JMJD1C: variants seen among roughly 807,000 people sequenced by gnomAD.
JMJD1C encodes the protein jumonji domain-containing protein 1C.
A neutral mutation model predicts 245.3 loss-of-function variants in JMJD1C; 31 were observed. The observed-to-expected ratio is 0.13, with a 90% CI of 0.09 to 0.17. The LOEUF (loss-of-function observed/expected upper bound fraction) is 0.17, where lower values mean the gene tolerates loss of function less well. JMJD1C is among the 10% of genes least tolerant of loss of function. The pLI, the probability that JMJD1C is intolerant of heterozygous loss-of-function variation, is 1.00. For synonymous variants in JMJD1C, 1,057 were observed against 1,017.4 expected (o/e 1.04, Z -0.74); for missense variants, 2,691 against 3,000.2 (o/e 0.90, Z 2.41).
intron 1 of JMJD1C, among the ~76,000 whole-genome samples, chr10:63,462,385 TATGTTCATATTGTACAAGAA>T (rs1175328088): frequency 6.6e-6 from 1 of 152,212 alleles, no homozygotes; most frequent in Non-Finnish European, 1.5e-5. Flanking sequence ...TTAAATTATA[TATGTTCATATTGTACAAGAA>T]ATATGTTTGC....
chr10:63,265,029 G>GTAA (rs1430614095), intron 2 of JMJD1C, among the ~76,000 whole-genome samples: 1 of 152,082 alleles, frequency 6.6e-6, no homozygotes, highest in Non-Finnish European at 1.5e-5. Flanking sequence ...AAAAAGGGAT[G>GTAA]TAATAAAATA....
intron 18 of JMJD1C, 27 bp downstream of exon 18, chr10:63,189,141 T>C: frequency 1.3e-6 from 2 of 1,557,190 alleles, no homozygotes; most frequent in Non-Finnish European, 1.7e-6. Context: ...CCACCAAGAG[T>C]GTTCTTTATC....
At chr10:63,325,557 C>T (rs1244626253) in intron 2 of JMJD1C, among the ~76,000 whole-genome samples, 1 of 152,152 alleles carries the variant, frequency 6.6e-6, no homozygotes, top group African/African-American at 2.4e-5. Flanking sequence ...GCTCTTTGGA[C>T]CTCTCTTTTC....
chr10:63,276,440 T>TG (rs1371460705), intron 2 of JMJD1C, among the ~76,000 whole-genome samples: 13 of 129,298 alleles, frequency 1.0e-4, no homozygotes, highest in African/African-American at 3.9e-4. Context: ...CACTCCAGCC[T>TG]GGGAGACAGA....
At chr10:63,355,325 T>G (rs1444366680) in intron 2 of JMJD1C, among the ~76,000 whole-genome samples, 1 of 152,194 alleles carries the variant, frequency 6.6e-6, no homozygotes, top group Admixed American at 6.5e-5. Context: ...TGACATTAAG[T>G]ACAAACCACA....
intron 1 of JMJD1C, among the ~76,000 whole-genome samples, chr10:63,510,663 C>G (rs1029583373): frequency 6.6e-6 from 1 of 152,114 alleles, no homozygotes; most frequent in African/African-American, 2.4e-5. Context: ...AATGTGTAAT[C>G]TGCTGTTATT....
At chr10:63,180,747 C>T (rs1843365672) in intron 22 of JMJD1C, among the ~76,000 whole-genome samples, 1 of 150,698 alleles carries the variant, frequency 6.6e-6, no homozygotes, top group South Asian at 2.1e-4. Flanking sequence ...GGATTACAGG[C>T]ATACACCACC....
intron 2 of JMJD1C, among the ~76,000 whole-genome samples, chr10:63,367,165 GA>G (rs2134403125): frequency 6.6e-6 from 1 of 152,288 alleles, no homozygotes; most frequent in South Asian, 2.1e-4. Flanking sequence ...GTGGACCAAT[GA>G]GCCCCTGCTG....
At position 63,377,081 on chromosome 10, in the gene JMJD1C, T is replaced by C. The variant is rs1306281542; in HGVS notation, c.333+3237A>G. On this transcript the variant is annotated intron_variant, in intron 2 of 25. Coordinates refer to ENST00000399262, the MANE Select transcript of JMJD1C (RefSeq NM_032776.3). ...GTGGTGTATAAACACAATGGAATGT[T>C]ATTTTGCAATAAAAAGGAAGAAAAT... Among the ~76,000 whole-genome samples, 3 of 152,240 alleles carry C rather than the reference T, an allele frequency of 2.0e-5. No individual in the cohort carries two copies. In the South Asian group the frequency reaches 6.2e-4, roughly 31 times the overall value.
chr10:63,310,076 A>G (rs1938952771), intron 2 of JMJD1C, among the ~76,000 whole-genome samples: 1 of 152,234 alleles, frequency 6.6e-6, no homozygotes, highest in South Asian at 2.1e-4. Context: ...AACCACTATC[A>G]GATCACAGGA....
intron 2 of JMJD1C, among the ~76,000 whole-genome samples, chr10:63,354,630 CTTT>C (rs1348656510): frequency 6.6e-6 from 1 of 151,198 alleles, no homozygotes; most frequent in Non-Finnish European, 1.5e-5. Flanking sequence ...TTTATATTTA[CTTT>C]TTTATTATTC....
chr10:63,377,649 T>A (rs1946855221), intron 2 of JMJD1C, among the ~76,000 whole-genome samples: 1 of 151,958 alleles, frequency 6.6e-6, no homozygotes, highest in Non-Finnish European at 1.5e-5. Context: ...GCAGGAGAAT[T>A]GCTTGAACCC....
At chr10:63,290,135 G>A (rs143723479) in intron 2 of JMJD1C, among the ~76,000 whole-genome samples, 104 of 151,838 alleles carry the variant, frequency 6.8e-4, no homozygotes, top group African/African-American at 2.3e-3. Context: ...TTTTATAACT[G>A]AAAAAAACAA....
At chr10:63,411,541 C>T (rs531872614) in intron 1 of JMJD1C, among the ~76,000 whole-genome samples, 9 of 151,856 alleles carry the variant, frequency 5.9e-5, no homozygotes, top group African/African-American at 7.2e-5. Flanking sequence ...TCAGGTGATC[C>T]GCCTGCCTGG....
intron 2 of JMJD1C, among the ~76,000 whole-genome samples, chr10:63,282,864 G>T (rs369150498): frequency 6.6e-6 from 1 of 151,990 alleles, no homozygotes; most frequent in Admixed American, 6.6e-5. Flanking sequence ...CTACAGGCGC[G>T]TGCCACCACG....
At chr10:63,451,496 AT>A (rs111747800) in intron 1 of JMJD1C, among the ~76,000 whole-genome samples, 8 of 152,200 alleles carry the variant, frequency 5.3e-5, no homozygotes, top group Non-Finnish European at 7.3e-5. Flanking sequence ...TCAGAAAAAA[AT>A]TTAAAAAATA....
intron 1 of JMJD1C, among the ~76,000 whole-genome samples, chr10:63,464,631 CA>C (rs1275956306): frequency 6.6e-6 from 1 of 151,710 alleles, no homozygotes; most frequent in African/African-American, 2.4e-5. Flanking sequence ...GAGCATATTA[CA>C]GCTCAATATC....
intron 2 of JMJD1C, among the ~76,000 whole-genome samples, chr10:63,361,744 A>G (rs1419093862): frequency 2.7e-5 from 4 of 149,700 alleles, no homozygotes; most frequent in Non-Finnish European, 3.0e-5. Flanking sequence ...AAAAAAAAAA[A>G]AAAGAAAAAG....
intron 2 of JMJD1C, among the ~76,000 whole-genome samples, chr10:63,284,555 G>C (rs965095472): frequency 6.6e-6 from 1 of 151,918 alleles, no homozygotes; most frequent in Non-Finnish European, 1.5e-5. Flanking sequence ...AGGTTCTTGG[G>C]AATAACTTAT....
Sources: allele counts gnomAD v4.1 joint callset (sites outside exome capture counted in the v4.1 genomes callset), GRCh38; gene constraint gnomAD v4.1.1; transcripts MANE v1.5; gene names NCBI Gene and HGNC (gene_info 2026-07-23, HGNC 2026-07-21).